Variants in KCNC2 observed in about 807,000 individuals in gnomAD.
KCNC2 encodes the protein potassium voltage-gated channel subfamily C member 2, also known as voltage-gated potassium channel KCNC2.
Under a neutral mutation model 44.5 loss-of-function variants are expected in KCNC2, and 21 were observed. The ratio of observed to expected loss-of-function variants is 0.47; its 90% CI spans 0.33 to 0.68. The LOEUF is 0.68. Among genes scored for constraint, KCNC2 ranks in the 30% least tolerant of loss-of-function variants. KCNC2 has a pLI of 0.01. For synonymous variants in KCNC2, 391 were observed against 339.1 expected, an observed-to-expected ratio of 1.15 and a Z score of -1.68; for missense variants, 589 against 826.2, an observed-to-expected ratio of 0.71 and a Z score of 3.52.
At chr12:75,045,995 T>C (rs932330434) in intron 4 of KCNC2, among the ~76,000 whole-genome samples, 1 of 151,682 alleles carries the variant, frequency 6.6e-6, no homozygotes, top group African/African-American at 2.4e-5. Flanking sequence ...CAGAAATCTA[T>C]AACCTACAAA....
intron 2 of KCNC2, among the ~76,000 whole-genome samples, chr12:75,156,259 T>G (rs1340191325): frequency 1.3e-5 from 2 of 151,748 alleles, no homozygotes; most frequent in Non-Finnish European, 1.5e-5. Flanking sequence ...ATTTTTTTTT[T>G]GTACAATTTG....
At chr12:75,197,109 A>C (rs909951609) in intron 2 of KCNC2, among the ~76,000 whole-genome samples, 1 of 151,996 alleles carries the variant, frequency 6.6e-6, no homozygotes, top group African/African-American at 2.4e-5. Context: ...AATTTTAGTC[A>C]ACATCTTAGG....
rs570154474 is a variant in KCNC2 at position 75,077,658 on chromosome 12, C to A, written c.688-26341G>T. Among the ~76,000 whole-genome samples the A allele has an allele frequency of 1.1e-4, 16 of 152,212 alleles. 1 individual carries two copies. The South Asian group carries it at 2.9e-3, about 28-fold the overall frequency. On this transcript the variant is annotated intron_variant, in intron 2 of 4. Coordinates refer to ENST00000549446, the MANE Select transcript of KCNC2 (RefSeq NM_139137.4). ...GATCTGTCCATTATCTTAAAATAAACTTGATGACCATAAGAATCTTAGAAG... is the reference window on the plus strand; with the variant it reads ...GATCTGTCCATTATCTTAAAATAAAATTGATGACCATAAGAATCTTAGAAG...
At chr12:75,075,752 C>A (rs1883898683) in intron 2 of KCNC2, among the ~76,000 whole-genome samples, 1 of 151,898 alleles carries the variant, frequency 6.6e-6, no homozygotes, top group African/African-American at 2.4e-5. Flanking sequence ...AACTATACAT[C>A]ATTACTCATG....
intron 2 of KCNC2, among the ~76,000 whole-genome samples, chr12:75,118,038 A>C (rs1264389919): frequency 6.6e-6 from 1 of 152,202 alleles, no homozygotes; most frequent in Non-Finnish European, 1.5e-5. Flanking sequence ...AACAAGACTC[A>C]TCCTTCATTT....
intron 2 of KCNC2, among the ~76,000 whole-genome samples, chr12:75,204,247 A>G (rs1042994912): frequency 2.3e-4 from 35 of 151,998 alleles, no homozygotes; most frequent in African/African-American, 6.8e-4. Flanking sequence ...AACAATATAG[A>G]CCCCTCATAT....
chr12:75,129,538 T>C (rs1888680243), intron 2 of KCNC2, among the ~76,000 whole-genome samples: 1 of 152,208 alleles, frequency 6.6e-6, no homozygotes. Context: ...GGGCTGTGTG[T>C]GTATTCTTTT....
Position 75,166,435 on chromosome 12 carries a change from C to T in KCNC2, c.687+40862G>A, listed in dbSNP as rs571971950. 1.1e-4 allele frequency among the ~76,000 whole-genome samples: 15 copies of T among 142,036 alleles called. No homozygotes were observed. In the East Asian group the frequency reaches 2.6e-3, roughly 24 times the overall value. 93.2% of individuals were successfully genotyped at this position (142,036 alleles called of 152,430 possible). Reference sequence around the variant, plus strand: ...AAGATCAAAATGGAAAGAGAAAACTCGAATGATCTAAAAAAAAAAAAAGTT... The same window carrying T: ...AAGATCAAAATGGAAAGAGAAAACTTGAATGATCTAAAAAAAAAAAAAGTT... On this transcript the variant is annotated intron_variant, in intron 2 of 4. Coordinates refer to ENST00000549446, the MANE Select transcript of KCNC2 (RefSeq NM_139137.4).
At chr12:75,090,337 C>T (rs1421432980) in intron 2 of KCNC2, among the ~76,000 whole-genome samples, 1 of 151,606 alleles carries the variant, frequency 6.6e-6, no homozygotes, top group Non-Finnish European at 1.5e-5. Context: ...TCTCTTCATG[C>T]TTTTAATAGG....
intron 2 of KCNC2, among the ~76,000 whole-genome samples, chr12:75,146,288 G>A (rs1373950835): frequency 1.3e-5 from 2 of 152,068 alleles, no homozygotes; most frequent in African/African-American, 2.4e-5. Context: ...CCTATAGTTG[G>A]TTTATTTCAT....
At chr12:75,196,428 G>A (rs567251237) in intron 2 of KCNC2, among the ~76,000 whole-genome samples, 1 of 152,084 alleles carries the variant, frequency 6.6e-6, no homozygotes, top group African/African-American at 2.4e-5. Context: ...TACTATAAAC[G>A]CCTCACCTCC....
intron 2 of KCNC2, among the ~76,000 whole-genome samples, chr12:75,181,136 G>A (rs567211364): frequency 1.7e-3 from 256 of 152,080 alleles, no homozygotes; most frequent in African/African-American, 5.9e-3. Flanking sequence ...TCATGGAAAT[G>A]GAAGAAAAAA....
At position 75,077,786 on chromosome 12, in the gene KCNC2, C is replaced by T. The variant is rs560243615; in HGVS notation, c.688-26469G>A. Among the ~76,000 whole-genome samples the T allele has an allele frequency of 3.3e-5, 5 of 152,182 alleles. No individual in the cohort carries two copies. In the South Asian group the frequency reaches 6.2e-4, roughly 19 times the overall value. ...CTCCAATGTATGTTATACAGAGATA[C>T]AGTTAAGGGGCAAATGAGTTCATTC... On this transcript the variant is annotated intron_variant, in intron 2 of 4. Transcript: ENST00000549446.
chr12:75,090,503 G>C (rs933893533), intron 2 of KCNC2, among the ~76,000 whole-genome samples: 2 of 151,532 alleles, frequency 1.3e-5, no homozygotes, highest in Admixed American at 6.6e-5. Context: ...ACAAAATGAA[G>C]TTCAAACTGC....
At position 75,117,892 on chromosome 12, in the gene KCNC2, A is replaced by G. The variant is rs989039635; in HGVS notation, c.688-66575T>C. 2.0e-5 allele frequency among the ~76,000 whole-genome samples: 3 copies of G among 152,192 alleles called. No homozygotes were observed. In the East Asian group the frequency reaches 5.8e-4, roughly 29 times the overall value. Reference sequence around the variant, plus strand: ...AATGAAGTTTGGGCATTACACAACTAAAGAGGTTACTACTCACCCATACCA... The same window carrying G: ...AATGAAGTTTGGGCATTACACAACTGAAGAGGTTACTACTCACCCATACCA... On this transcript the variant is annotated intron_variant, in intron 2 of 4. Coordinates refer to ENST00000549446, the MANE Select transcript of KCNC2 (RefSeq NM_139137.4).
In KCNC2 at chr12:75,042,547, G is replaced by T; in HGVS notation, c.*558C>A. Reference sequence around the variant, plus strand: ...CCACAATTCAACATGCAGAACAGTCGACCAATGCTTTCATATCAGCAGGAT... The same window carrying T: ...CCACAATTCAACATGCAGAACAGTCTACCAATGCTTTCATATCAGCAGGAT... On this transcript the variant is annotated 3_prime_UTR_variant, in exon 5 of 5. Coordinates refer to ENST00000549446, the MANE Select transcript of KCNC2 (RefSeq NM_139137.4). 1 of 1,401,200 alleles carries T rather than the reference G, an allele frequency of 7.1e-7. No individual in the cohort carries two copies. The highest frequency in any genetic ancestry group is 9.2e-7 in the Non-Finnish European group (1 of 1,081,340). 86.8% of individuals were successfully genotyped at this position (1,401,200 alleles called of 1,614,324 possible). A position where few individuals can be genotyped will look rare whatever the true frequency, so the allele number is the denominator to read the frequency against.
chr12:75,179,374 G>A (rs905476624), intron 2 of KCNC2, among the ~76,000 whole-genome samples: 2 of 151,784 alleles, frequency 1.3e-5, no homozygotes, highest in Admixed American at 6.6e-5. Flanking sequence ...TAAGGAGTGA[G>A]TTTGATAGAT....
chr12:75,078,872 TTAAC>T (rs974283680), intron 2 of KCNC2, among the ~76,000 whole-genome samples: 1 of 152,186 alleles, frequency 6.6e-6, no homozygotes, highest in Non-Finnish European at 1.5e-5. Flanking sequence ...AGACATCAAA[TTAAC>T]TAACTTGGGG....
intron 2 of KCNC2, among the ~76,000 whole-genome samples, chr12:75,168,421 C>T (rs1891596989): frequency 6.6e-6 from 1 of 151,400 alleles, no homozygotes; most frequent in Non-Finnish European, 1.5e-5. Context: ...CATAAAGAAG[C>T]TGGAAAGTAG....
Sources: gnomAD v4.1 joint callset for allele counts (sites outside exome capture counted in the v4.1 genomes callset) on GRCh38, gnomAD v4.1.1 for gene constraint, MANE v1.5 for transcripts, NCBI Gene and HGNC (gene_info 2026-07-23, HGNC 2026-07-21) for gene names.